Variants in NCOA7 observed in about 807,000 individuals in gnomAD.
The protein encoded by NCOA7 is nuclear receptor coactivator 7, also known as 140 kDa estrogen receptor-associated protein.
Under a neutral mutation model 104.3 loss-of-function variants are expected in NCOA7, and 45 were observed. The observed-to-expected ratio is 0.43, with a 90% CI of 0.34 to 0.55. The LOEUF is 0.55. Among genes scored for constraint, NCOA7 ranks in the 20% least tolerant of loss-of-function variants. The pLI is 0.02. For synonymous variants in NCOA7, 398 were observed against 402.3 expected (o/e 0.99, Z 0.13); for missense variants, 1,041 against 1,119.7 (o/e 0.93, Z 1.00).
At chr6:125,882,240 AC>A (rs754621809) in intron 6 of NCOA7, among the ~76,000 whole-genome samples, 185 bp from the exon 7 acceptor site, 5 of 152,112 alleles carry the variant, frequency 3.3e-5, no homozygotes, top group Admixed American at 2.0e-4. Context: ...GAAAAAAAAA[AC>A]AGTTTGATTT....
chr6:125,849,085 G>A (rs1006187256), intron 2 of NCOA7, among the ~76,000 whole-genome samples: 3 of 152,106 alleles, frequency 2.0e-5, no homozygotes, highest in African/African-American at 4.8e-5. Flanking sequence ...TGTAAGAAAG[G>A]AACTTGCCCA....
intron 2 of NCOA7, among the ~76,000 whole-genome samples, chr6:125,819,399 CTAGA>C (rs1777939560): frequency 6.6e-6 from 1 of 151,600 alleles, no homozygotes; most frequent in Non-Finnish European, 1.5e-5. Flanking sequence ...AATACTGCTA[CTAGA>C]TAGAGTAATT....
At chr6:125,882,620 T>C (rs1422886073) in intron 7 of NCOA7, 69 bp downstream of exon 7, 2 of 1,552,182 alleles carry the variant, frequency 1.3e-6, no homozygotes, top group Non-Finnish European at 1.8e-6. Flanking sequence ...TACAAATTAC[T>C]GGAACAGAGG....
In NCOA7 at chr6:125,918,954, G is replaced by GA. The variant is rs140335732; in HGVS notation, c.2245-1979dup. Among the ~76,000 whole-genome samples the GA allele has an allele frequency of 2.0e-4, 27 of 135,074 alleles. 1 individual carries two copies. The highest frequency in any genetic ancestry group is 9.5e-4 in the South Asian group (4 of 4,226). The allele number at this position is 135,074 out of a possible 152,430, so 88.6% of individuals were successfully genotyped here. A position where few individuals can be genotyped will look rare whatever the true frequency, so the allele number is the denominator to read the frequency against. On this transcript the variant is annotated intron_variant, in intron 11 of 15. Transcript: ENST00000392477. Reference sequence around the variant, plus strand: ...TAAAGAAGGTGCTGGGGGCGGGGGAGAAAAAAAAAAGAAAAAAAACTCTGA... The same window carrying GA: ...TAAAGAAGGTGCTGGGGGCGGGGGAGAAAAAAAAAAAGAAAAAAAACTCTGA...
intron 3 of NCOA7, 96 bp downstream of exon 3, chr6:125,855,336 C>A: frequency 1.0e-6 from 1 of 979,210 alleles, no homozygotes; most frequent in Non-Finnish European, 1.5e-6. Context: ...ATAATGGTAA[C>A]AGTTTATGGA....
chr6:125,887,623 C>T (rs1562984875), intron 8 of NCOA7, among the ~76,000 whole-genome samples: 2 of 152,174 alleles, frequency 1.3e-5, no homozygotes, highest in African/African-American at 2.4e-5. Context: ...TTTATAAAAT[C>T]ACTTTGGGAA....
chr6:125,851,489 C>T (rs542395997), intron 2 of NCOA7, among the ~76,000 whole-genome samples: 14 of 152,252 alleles, frequency 9.2e-5, no homozygotes, highest in African/African-American at 3.1e-4. Context: ...TTTCTTTATC[C>T]ACTCATCAGT....
At chr6:125,836,025 T>C (rs1779582874) in intron 2 of NCOA7, among the ~76,000 whole-genome samples, 2 of 152,326 alleles carry the variant, frequency 1.3e-5, no homozygotes, top group African/African-American at 4.8e-5. Flanking sequence ...TGAGATTCTA[T>C]GATTTACGCT....
At chr6:125,868,072 T>C (rs1308972251) in intron 3 of NCOA7, among the ~76,000 whole-genome samples, 1 of 152,248 alleles carries the variant, frequency 6.6e-6, no homozygotes, top group Admixed American at 6.5e-5. Flanking sequence ...ATATCAAGAA[T>C]AAATATTCAT....
chr6:125,909,811 G>GA (rs1339792373), intron 10 of NCOA7, among the ~76,000 whole-genome samples: 3 of 150,690 alleles, frequency 2.0e-5, no homozygotes, highest in African/African-American at 4.9e-5. Context: ...CCGTGTCTCA[G>GA]AAAAAAAAAG....
intron 3 of NCOA7, among the ~76,000 whole-genome samples, chr6:125,869,310 A>C (rs574326781): frequency 4.6e-5 from 7 of 151,854 alleles, no homozygotes; most frequent in East Asian, 1.9e-4. Flanking sequence ...GTTTCTTGAC[A>C]CCCTCCCCAG....
chr6:125,824,849 C>T (rs1039421033), intron 2 of NCOA7, among the ~76,000 whole-genome samples: 2 of 152,106 alleles, frequency 1.3e-5, no homozygotes, highest in African/African-American at 4.8e-5. Flanking sequence ...AGCTCCGCCT[C>T]CCGGGTTCAC....
At chr6:125,803,898 C>A (rs1013761414) in intron 1 of NCOA7, among the ~76,000 whole-genome samples, 1 of 152,102 alleles carries the variant, frequency 6.6e-6, no homozygotes, top group African/African-American at 2.4e-5. Context: ...TAGCCCCCAA[C>A]AAATAGTAAT....
At chr6:125,790,146 G>C (rs556725825), upstream of NCOA7, among the ~76,000 whole-genome samples, 1 of 152,118 alleles carries the variant, frequency 6.6e-6, no homozygotes, top group African/African-American at 2.4e-5. Flanking sequence ...TGGTGTACCG[G>C]GAACGGGAGG....
At chr6:125,925,783 A>G (rs1787971595) in intron 13 of NCOA7, among the ~76,000 whole-genome samples, 2 of 152,220 alleles carry the variant, frequency 1.3e-5, no homozygotes, top group Non-Finnish European at 2.9e-5. Flanking sequence ...CTCTTCATCT[A>G]TTCCCTTGGA....
At chr6:125,886,791 A>C (rs1204434051) in intron 8 of NCOA7, among the ~76,000 whole-genome samples, 1 of 152,276 alleles carries the variant, frequency 6.6e-6, no homozygotes, top group African/African-American at 2.4e-5. Context: ...TAAAACAATA[A>C]GTACAAATTA....
intron 2 of NCOA7, among the ~76,000 whole-genome samples, chr6:125,831,212 C>T (rs1313557312): frequency 6.6e-6 from 1 of 152,160 alleles, no homozygotes; most frequent in Non-Finnish European, 1.5e-5. Context: ...AAAGTAGTGA[C>T]ATTTTCAGGG....
At chr6:125,901,669 G>A (rs1029843564) in intron 10 of NCOA7, among the ~76,000 whole-genome samples, 12 of 152,192 alleles carry the variant, frequency 7.9e-5, no homozygotes, top group African/African-American at 2.7e-4. Context: ...TTTAGCATTT[G>A]CCATCCATGG....
intron 10 of NCOA7, among the ~76,000 whole-genome samples, chr6:125,902,285 G>A (rs1383395638): frequency 6.6e-6 from 1 of 152,166 alleles, no homozygotes; most frequent in Non-Finnish European, 1.5e-5. Context: ...CTGTCCAAAA[G>A]TAGAATGAAC....
Sources: gnomAD v4.1 joint callset for allele counts (sites outside exome capture counted in the v4.1 genomes callset) on GRCh38, gnomAD v4.1.1 for gene constraint, MANE v1.5 for transcripts, NCBI Gene and HGNC (gene_info 2026-07-23, HGNC 2026-07-21) for gene names.